ABI3BP: variants seen among roughly 807,000 people sequenced by gnomAD.
ABI3BP encodes ABI family member 3 binding protein, also known as target of Nesh-SH3.
A neutral mutation model predicts 268.6 loss-of-function variants in ABI3BP; 216 were observed. That is an observed-to-expected ratio of 0.80 (90% CI 0.72 to 0.90). ABI3BP has a LOEUF of 0.90. ABI3BP is among the 40% of genes least tolerant of loss of function. The pLI is 0.00. For missense variants in ABI3BP, 2,090 were observed against 2,182.4 expected, an observed-to-expected ratio of 0.96 and a Z score of 0.84; for synonymous variants, 730 against 730.0, an observed-to-expected ratio of 1.00 and a Z score of 0.00.
chr3:100,809,929 G>A (rs2097810116), intron 49 of ABI3BP, among the ~76,000 whole-genome samples: 1 of 152,020 alleles, frequency 6.6e-6, no homozygotes. Flanking sequence ...GCAGAAAGGA[G>A]TGGAAAGAAG....
At chr3:100,849,559 C>G (rs2098815868) in intron 17 of ABI3BP, among the ~76,000 whole-genome samples, 1 of 152,082 alleles carries the variant, frequency 6.6e-6, no homozygotes, top group Admixed American at 6.6e-5. Context: ...ATTATCCCCA[C>G]CAAGAGTCAA....
In ABI3BP at chr3:100,874,831, T is replaced by C. The variant is rs79152576; in HGVS notation, c.910+10A>G. On this transcript the variant is annotated intron_variant, in intron 9 of 67. Transcript: ENST00000471714. ...ACTGCAAAGTTCAAATACAAAACTT[T>C]TCTGCTTACCTAATTGTGTCTTGAG... 488 of 1,557,596 alleles carry C rather than the reference T, an allele frequency of 3.1e-4. 1 individual carries two copies. In the East Asian group the frequency reaches 0.01, roughly 33 times the overall value.
chr3:100,846,612 T>C, intron 19 of ABI3BP, 166 bp from the exon 20 acceptor site: 2 of 493,360 alleles, frequency 4.1e-6, no homozygotes, highest in Non-Finnish European at 7.1e-6. Context: ...TCATGATCCA[T>C]TCACAGAGAA....
intron 51 of ABI3BP, among the ~76,000 whole-genome samples, chr3:100,801,069 C>T (rs1196209593): frequency 1.3e-5 from 2 of 151,958 alleles, no homozygotes; most frequent in Non-Finnish European, 2.9e-5. Flanking sequence ...TATCCCTAAG[C>T]ATGGAACCAG....
intron 1 of ABI3BP, among the ~76,000 whole-genome samples, chr3:100,949,742 A>G (rs2074126224): frequency 6.6e-6 from 1 of 152,196 alleles, no homozygotes; most frequent in South Asian, 2.1e-4. Flanking sequence ...ATTTGTGGCT[A>G]TGGAAGCACT....
rs115746622 is a variant in ABI3BP at position 100,886,240 on chromosome 3, T to C, written c.545A>G (p.Glu182Gly). Residue 182 changes from glutamate to glycine, a missense_variant, in exon 5 of 68, where the codon GAA becomes GGA. Glu to Gly is a moderately conservative substitution (Grantham distance 98). Coordinates refer to ENST00000471714, the MANE Select transcript of ABI3BP (RefSeq NM_001375547.2). ...ATAAACTGTGTTGGGCTTTAGGTTT[T>C]CCACAATTGTTTCAGTGGCTGGACA... The part of the protein sequence containing the change: ...QICPATETIV[E>G]NLKPNTVYEF... 246 of 1,611,368 alleles carry C rather than the reference T, an allele frequency of 1.5e-4. 1 individual carries two copies. In the African/African-American group the frequency reaches 3.1e-3, roughly 20 times the overall value.
intron 14 of ABI3BP, among the ~76,000 whole-genome samples, chr3:100,852,404 A>G (rs542865262): frequency 4.6e-5 from 7 of 152,230 alleles, no homozygotes; most frequent in African/African-American, 1.7e-4. Flanking sequence ...TATGGACAGC[A>G]CTTCACAGTT....
chr3:100,956,051 G>A (rs927969067), intron 1 of ABI3BP, among the ~76,000 whole-genome samples: 3 of 151,858 alleles, frequency 2.0e-5, no homozygotes, highest in Admixed American at 6.6e-5. Context: ...AGCCTGGCAC[G>A]GTGGCATGTA....
At chr3:100,917,717 C>T (rs1363462711) in intron 2 of ABI3BP, among the ~76,000 whole-genome samples, 1 of 152,072 alleles carries the variant, frequency 6.6e-6, no homozygotes, top group Non-Finnish European at 1.5e-5. Flanking sequence ...AAAAACTGTG[C>T]TTTATAGTAA....
intron 6 of ABI3BP, among the ~76,000 whole-genome samples, chr3:100,879,811 A>C (rs2099207732): frequency 6.6e-6 from 1 of 152,202 alleles, no homozygotes; most frequent in Non-Finnish European, 1.5e-5. Context: ...TAAGGACTCT[A>C]CTAATGAGCA....
At chr3:100,816,636 C>T (rs2098055849) in intron 43 of ABI3BP, 52 bp downstream of exon 43, 17 of 1,396,994 alleles carry the variant, frequency 1.2e-5, no homozygotes, top group Non-Finnish European at 1.7e-5. Context: ...TTGGGACAGC[C>T]TGCCAGGGTT....
At chr3:100,844,496 A>G (rs998110394) in intron 20 of ABI3BP, 1 of 978,768 alleles carries the variant, frequency 1.0e-6, no homozygotes, top group Admixed American at 6.2e-5. Context: ...GGAAAGTGAA[A>G]CAGAAAAATA....
At position 100,789,479 on chromosome 3, in the gene ABI3BP, T is replaced by C. The variant is rs531667995; in HGVS notation, c.4062A>G (p.Thr1354=). The C allele has an allele frequency of 6.2e-7, 1 of 1,601,480 alleles. No individual in the cohort carries two copies. The highest frequency in any genetic ancestry group is 1.3e-5 in the African/African-American group (1 of 74,760). The change falls in exon 56 of 68, where the codon ACA becomes ACG. Residue 1354 remains threonine, a synonymous_variant. Transcript: ENST00000471714. ...HRFYTTVRPR[T]SDKPHIRPVL... is the part of the protein sequence containing the mutation. Reference sequence around the variant, plus strand: ...CAGGTCTGATGTGTGGCTTGTCAGATGTTCTGGGCCTCACAGTAGTATAAA... The same window carrying C: ...CAGGTCTGATGTGTGGCTTGTCAGACGTTCTGGGCCTCACAGTAGTATAAA...
intron 4 of ABI3BP, among the ~76,000 whole-genome samples, chr3:100,896,682 CA>C (rs1258679344): frequency 6.6e-6 from 1 of 151,958 alleles, no homozygotes; most frequent in Non-Finnish European, 1.5e-5. Flanking sequence ...AAGAGCAATC[CA>C]TAAGTGTTTA....
chr3:100,828,489 C>G, intron 33 of ABI3BP, 37 bp from the exon 34 acceptor site: 8 of 1,488,210 alleles, frequency 5.4e-6, no homozygotes, highest in Non-Finnish European at 7.2e-6. Flanking sequence ...ACCAACAAAA[C>G]ATTAAAAATT....
At chr3:100,771,695 G>A (rs564415057) in intron 61 of ABI3BP, among the ~76,000 whole-genome samples, 3 of 151,928 alleles carry the variant, frequency 2.0e-5, no homozygotes, top group Admixed American at 1.3e-4. Context: ...CAAAGACATA[G>A]CAATAAAAAC....
chr3:100,992,048 A>C (rs920436556), intron 1 of ABI3BP, among the ~76,000 whole-genome samples: 1 of 152,194 alleles, frequency 6.6e-6, no homozygotes, highest in Middle Eastern at 3.2e-3. Flanking sequence ...TGTGGCTCAT[A>C]ATTGATTTAT....
In ABI3BP at chr3:100,862,921, C is replaced by A. The variant is rs923191095; in HGVS notation, c.1139-12G>T. ...AAGGCTTTTTGGAGCTGTAATGAAA[C>A]ACATAAAGAAAGTTACGACCTGAGG... is the stretch of plus-strand genomic sequence containing the variant. On this transcript the variant is annotated splice_polypyrimidine_tract_variant and intron_variant, in intron 12 of 67. Transcript: ENST00000471714. The A allele has an allele frequency of 6.5e-7, 1 of 1,531,386 alleles. No homozygotes were observed. The highest frequency in any genetic ancestry group is 8.7e-7 in the Non-Finnish European group (1 of 1,143,426). 94.9% of individuals were successfully genotyped at this position (1,531,386 alleles called of 1,614,324 possible).
chr3:100,834,115 T>G (rs1342115042), intron 29 of ABI3BP, among the ~76,000 whole-genome samples: 1 of 152,128 alleles, frequency 6.6e-6, no homozygotes, highest in Non-Finnish European at 1.5e-5. Context: ...GGACTACAGG[T>G]GCACATCACC....
Sources: allele counts gnomAD v4.1 joint callset (sites outside exome capture counted in the v4.1 genomes callset), GRCh38; gene constraint gnomAD v4.1.1; transcripts MANE v1.5; gene names NCBI Gene and HGNC (gene_info 2026-07-23, HGNC 2026-07-21).